MAGI2: variants seen among roughly 807,000 people sequenced by gnomAD.
MAGI2 encodes membrane associated guanylate kinase, WW and PDZ domain containing 2, also known as membrane-associated guanylate kinase, WW and PDZ domain-containing protein 2.
A neutral mutation model predicts 133.3 loss-of-function variants in MAGI2; 35 were observed. The observed-to-expected ratio is 0.26, with a 90% CI of 0.20 to 0.35. The LOEUF is 0.35. Ranked by LOEUF, MAGI2 falls within the 10% of genes least tolerant of loss-of-function variation. MAGI2 has a pLI of 1.00. For synonymous variants in MAGI2, 729 were observed against 710.6 expected (o/e 1.03, Z -0.41); for missense variants, 1,636 against 1,863.4 (o/e 0.88, Z 2.25).
intron 2 of MAGI2, among the ~76,000 whole-genome samples, chr7:79,001,924 T>C (rs1291766602): frequency 6.6e-6 from 1 of 152,150 alleles, no homozygotes; most frequent in East Asian, 1.9e-4. Context: ...TGAAATCCCA[T>C]GTGATGGATG....
At chr7:78,986,782 A>G (rs1584586570) in intron 2 of MAGI2, among the ~76,000 whole-genome samples, 1 of 152,038 alleles carries the variant, frequency 6.6e-6, no homozygotes, top group South Asian at 2.1e-4. Flanking sequence ...TGTGTCTTCT[A>G]CAGCAAAACT....
chr7:78,421,795 C>T (rs1486011041), intron 6 of MAGI2, among the ~76,000 whole-genome samples: 4 of 152,092 alleles, frequency 2.6e-5, no homozygotes, highest in Admixed American at 2.0e-4. Context: ...TCAAGTGAGA[C>T]CCTGGTCTCA....
intron 1 of MAGI2, among the ~76,000 whole-genome samples, chr7:79,256,470 G>GTC (rs1289539894): frequency 4.8e-4 from 68 of 141,104 alleles, no homozygotes; most frequent in South Asian, 2.5e-3. Context: ...AGTCTTTTCT[G>GTC]TCTCTCTCTC....
intron 6 of MAGI2, among the ~76,000 whole-genome samples, chr7:78,397,137 A>C (rs1227686076): frequency 6.6e-6 from 1 of 152,090 alleles, no homozygotes; most frequent in African/African-American, 2.4e-5. Flanking sequence ...TACCTTAATA[A>C]TGCTCTTTGG....
intron 10 of MAGI2, among the ~76,000 whole-genome samples, chr7:78,217,796 G>A (rs527237219): frequency 6.6e-6 from 1 of 152,342 alleles, no homozygotes; most frequent in South Asian, 2.1e-4. Flanking sequence ...ACAAAGACCT[G>A]TAATAATTAT....
At chr7:79,020,453 T>A (rs1809197632) in intron 1 of MAGI2, among the ~76,000 whole-genome samples, 1 of 152,144 alleles carries the variant, frequency 6.6e-6, no homozygotes, top group East Asian at 1.9e-4. Flanking sequence ...AATTCAAGCC[T>A]GCTGCAGAAA....
chr7:78,803,155 G>C (rs551200624), intron 2 of MAGI2, among the ~76,000 whole-genome samples: 2 of 152,036 alleles, frequency 1.3e-5, no homozygotes, highest in African/African-American at 4.8e-5. Context: ...TTCTCCTTTT[G>C]TCCTAAATTA....
chr7:78,321,869 T>C (rs798296), intron 9 of MAGI2, among the ~76,000 whole-genome samples: 105,599 of 152,010 alleles, frequency 0.69, 37,239 homozygotes, highest in African/African-American at 0.81. Context: ...GCAATCTATC[T>C]ATCTGACAAA....
chr7:78,387,183 G>A (rs1221646871), intron 6 of MAGI2, among the ~76,000 whole-genome samples: 1 of 152,142 alleles, frequency 6.6e-6, no homozygotes, highest in African/African-American at 2.4e-5. Flanking sequence ...CTGCTCAAGT[G>A]GAGATGTAAA....
intron 1 of MAGI2, among the ~76,000 whole-genome samples, chr7:79,302,659 C>A (rs931542461): frequency 6.6e-6 from 1 of 152,108 alleles, no homozygotes; most frequent in East Asian, 1.9e-4. Flanking sequence ...GAAGCCATTA[C>A]GGATTAGTAA....
intron 9 of MAGI2, among the ~76,000 whole-genome samples, chr7:78,338,904 G>T (rs548380187): frequency 1.3e-5 from 2 of 152,148 alleles, no homozygotes; most frequent in African/African-American, 4.8e-5. Context: ...TACTTGGAAG[G>T]CTGAGGCAGG....
intron 2 of MAGI2, among the ~76,000 whole-genome samples, chr7:78,893,030 C>T (rs1439503269): frequency 1.3e-5 from 2 of 151,338 alleles, no homozygotes; most frequent in Non-Finnish European, 2.9e-5. Flanking sequence ...AACAAATTTA[C>T]AAGAAAAAAA....
intron 3 of MAGI2, among the ~76,000 whole-genome samples, chr7:78,582,266 A>G (rs570937431): frequency 6.6e-6 from 1 of 152,322 alleles, no homozygotes; most frequent in South Asian, 2.1e-4. Context: ...AAGGCAGGAA[A>G]GGAGTCTAAG....
intron 6 of MAGI2, among the ~76,000 whole-genome samples, chr7:78,468,944 G>A (rs1054308527): frequency 1.3e-5 from 2 of 152,142 alleles, no homozygotes; most frequent in Non-Finnish European, 2.9e-5. Context: ...CAGGTACCAT[G>A]TTCAGATTTA....
chr7:78,559,136 CAAAAAAAAAAAA>C lies in MAGI2; in HGVS notation c.539-37503_539-37492del, dbSNP rs71085541. On this transcript the variant is annotated intron_variant, in intron 3 of 21. Transcript: ENST00000354212. ...TTTAGGAGCTTGCAATCTGAATTTC[CAAAAAAAAAAAA>C]AAAAAAAAAAAAAAAAAAAGCCAAA... 1.5e-4 allele frequency among the ~76,000 whole-genome samples: 8 copies of C among 54,744 alleles called. No individual in the cohort carries two copies. The South Asian group carries it at 3.7e-3, about 25-fold the overall frequency. 35.9% of individuals were successfully genotyped at this position (54,744 alleles called of 152,430 possible).
intron 1 of MAGI2, chr7:79,010,783 T>A (rs182676067): frequency 2.6e-3 from 399 of 152,168 alleles, no homozygotes; most frequent in African/African-American, 9.1e-3. Context: ...GTGAAAAAAA[T>A]TTTATTTCCT....
rs1808017799 is a variant in MAGI2, at chr7:78,019,083, C to G, written c.*232G>C. 1 of 462,210 alleles carries G rather than the reference C, an allele frequency of 2.2e-6. No homozygotes were observed. Among genetic ancestry groups the G allele is most frequent in the Non-Finnish European group, 3.8e-6 (1 of 262,332 alleles). The allele number at this position is 462,210 out of a possible 1,614,324, so 28.6% of individuals were successfully genotyped here. A position where few individuals can be genotyped will look rare whatever the true frequency, so the allele number is the denominator to read the frequency against. ...TCACGTTATTTTGGTTCTTCCATAG[C>G]TGCCAAAGCCCCCACAAGGGAACCG... On this transcript the variant is annotated 3_prime_UTR_variant, in exon 22 of 22. Transcript: ENST00000354212.
intron 16 of MAGI2, among the ~76,000 whole-genome samples, chr7:78,135,658 A>T (rs1822038778): frequency 6.6e-6 from 1 of 152,228 alleles, no homozygotes; most frequent in South Asian, 2.1e-4. Flanking sequence ...CAATAATTTA[A>T]GAAAGCTACA....
intron 2 of MAGI2, among the ~76,000 whole-genome samples, chr7:78,906,222 C>A (rs1366239401): frequency 2.0e-5 from 3 of 152,174 alleles, no homozygotes; most frequent in African/African-American, 2.4e-5. Flanking sequence ...CGTGGGAACA[C>A]CCACACCACC....
Sources: allele counts gnomAD v4.1 joint callset (sites outside exome capture counted in the v4.1 genomes callset), GRCh38; gene constraint gnomAD v4.1.1; transcripts MANE v1.5; gene names NCBI Gene and HGNC (gene_info 2026-07-23, HGNC 2026-07-21).